Variants in CFAP299 observed in about 807,000 individuals in gnomAD.
CFAP299 encodes the protein cilia and flagella associated protein 299, also known as cilia- and flagella-associated protein 299.
A neutral mutation model predicts 27.0 loss-of-function variants in CFAP299; 21 were observed. The observed-to-expected ratio is 0.78, with a 90% CI of 0.55 to 1.12. The LOEUF is 1.12. Among genes scored for constraint, CFAP299 ranks in the 50% most tolerant of loss-of-function variants. The pLI, the probability that CFAP299 is intolerant of heterozygous loss-of-function variation, is 0.00. For missense variants in CFAP299, 310 were observed against 276.6 expected (o/e 1.12, Z -0.86); for synonymous variants, 104 against 98.1 (o/e 1.06, Z -0.36).
intron 2 of CFAP299, among the ~76,000 whole-genome samples, chr4:80,424,325 G>T (rs931285067): frequency 1.3e-5 from 2 of 152,168 alleles, no homozygotes; most frequent in African/African-American, 4.8e-5. Flanking sequence ...GACCTAAAGA[G>T]TTCAAGAAGA....
At chr4:80,947,985 T>C (rs1418144256) in intron 5 of CFAP299, among the ~76,000 whole-genome samples, 2 of 152,158 alleles carry the variant, frequency 1.3e-5, no homozygotes, top group African/African-American at 4.8e-5. Context: ...GCAATTTTTA[T>C]TGAAATCCTT....
At chr4:80,559,352 A>G (rs1032551304) in intron 2 of CFAP299, among the ~76,000 whole-genome samples, 2 of 149,110 alleles carry the variant, frequency 1.3e-5, no homozygotes, top group African/African-American at 5.2e-5. Flanking sequence ...GGGGAAGTAG[A>G]TTGTACTTCT....
At chr4:80,351,713 A>G (rs1723020587) in intron 1 of CFAP299, among the ~76,000 whole-genome samples, 1 of 151,688 alleles carries the variant, frequency 6.6e-6, no homozygotes, top group Non-Finnish European at 1.5e-5. Flanking sequence ...ATGCTGTCCC[A>G]CCTTAAATAT....
chr4:80,936,181 A>T (rs541085904), intron 4 of CFAP299, among the ~76,000 whole-genome samples: 1 of 152,116 alleles, frequency 6.6e-6, no homozygotes, highest in East Asian at 1.9e-4. Context: ...ATGCATATAC[A>T]CTGTTGGTGG....
At chr4:80,914,610 A>G (rs1231429870) in intron 4 of CFAP299, among the ~76,000 whole-genome samples, 2 of 152,174 alleles carry the variant, frequency 1.3e-5, no homozygotes, top group African/African-American at 2.4e-5. Flanking sequence ...TGTGGTTTTA[A>G]TTTACATTTC....
intron 2 of CFAP299, among the ~76,000 whole-genome samples, chr4:80,470,020 G>A (rs1365114908): frequency 1.3e-5 from 2 of 151,988 alleles, no homozygotes; most frequent in African/African-American, 2.4e-5. Flanking sequence ...CTCCATTTGC[G>A]CTGAAGGAAT....
intron 4 of CFAP299, among the ~76,000 whole-genome samples, chr4:80,936,616 C>G (rs764529668): frequency 6.6e-6 from 1 of 151,830 alleles, no homozygotes; most frequent in Admixed American, 6.6e-5. Context: ...AGGGGAACAA[C>G]GGACACTGAG....
At chr4:80,906,222 C>CA in intron 4 of CFAP299, among the ~76,000 whole-genome samples, 1 of 152,186 alleles carries the variant, frequency 6.6e-6, no homozygotes, top group African/African-American at 2.4e-5. Flanking sequence ...TTTAAAGTTC[C>CA]AAAATGATCT....
chr4:80,460,066 A>G (rs2110105425), intron 2 of CFAP299, among the ~76,000 whole-genome samples: 1 of 152,322 alleles, frequency 6.6e-6, no homozygotes, highest in South Asian at 2.1e-4. Flanking sequence ...GCATGGCAAG[A>G]CAAGTGATGT....
At chr4:80,800,147 A>C (rs1317370695) in intron 3 of CFAP299, among the ~76,000 whole-genome samples, 1 of 60,440 alleles carries the variant, frequency 1.7e-5, no homozygotes, top group Non-Finnish European at 2.6e-5. Context: ...ATATAAATAT[A>C]TTTATATAAT....
intron 2 of CFAP299, among the ~76,000 whole-genome samples, chr4:80,450,022 G>T (rs1312910994): frequency 6.6e-6 from 1 of 152,014 alleles, no homozygotes; most frequent in Non-Finnish European, 1.5e-5. Flanking sequence ...CTATCTTCTT[G>T]GAAAAGCTAT....
intron 1 of CFAP299, among the ~76,000 whole-genome samples, chr4:80,352,884 A>G (rs1261723915): frequency 6.6e-6 from 1 of 152,126 alleles, no homozygotes; most frequent in Admixed American, 6.5e-5. Flanking sequence ...AGAAAACAAA[A>G]TATATAAATG....
At chr4:80,688,418 C>CT (rs143272031) in intron 3 of CFAP299, among the ~76,000 whole-genome samples, 139,201 of 152,064 alleles carry the variant, frequency 0.92, 63,791 homozygotes, top group East Asian at 0.97. Flanking sequence ...AGGCACCCCC[C>CT]AGCAGGGGCA....
At chr4:80,541,470 A>G (rs909711860) in intron 2 of CFAP299, among the ~76,000 whole-genome samples, 1 of 152,234 alleles carries the variant, frequency 6.6e-6, no homozygotes, top group Admixed American at 6.5e-5. Flanking sequence ...ATCATTTTAT[A>G]TAGGATTATT....
rs149262761 is a variant in CFAP299, at chr4:80,590,409, T to A, written c.333+7226T>A. Reference sequence around the variant, plus strand: ...ATACTAGCACTTTGGAAGGCCGAGATGGGCAGATCACGAGGTCAGGAGTTC... The same window carrying A: ...ATACTAGCACTTTGGAAGGCCGAGAAGGGCAGATCACGAGGTCAGGAGTTC... On this transcript the variant is annotated intron_variant, in intron 3 of 5. Transcript: ENST00000358105. Among the ~76,000 whole-genome samples, 1,187 of 152,180 alleles carry A rather than the reference T, an allele frequency of 7.8e-3. 17 individuals carry two copies. The highest frequency in any genetic ancestry group is 0.027 in the African/African-American group (1,127 of 41,538).
intron 3 of CFAP299, among the ~76,000 whole-genome samples, chr4:80,861,509 TGCTGGGA>T (rs1346943573): frequency 6.6e-6 from 1 of 152,164 alleles, no homozygotes; most frequent in East Asian, 1.9e-4. Context: ...GCGTCACTCA[TGCTGGGA>T]GCTGTAGACT....
intron 3 of CFAP299, among the ~76,000 whole-genome samples, chr4:80,621,350 A>G (rs1213549689): frequency 6.6e-6 from 1 of 152,136 alleles, no homozygotes; most frequent in African/African-American, 2.4e-5. Flanking sequence ...AAACCAAGTA[A>G]AACTCTCTAC....
At chr4:80,568,424 G>A (rs1444619115) in intron 2 of CFAP299, among the ~76,000 whole-genome samples, 1 of 151,880 alleles carries the variant, frequency 6.6e-6, no homozygotes. Context: ...CCAAAGTTTT[G>A]TAAATTTAAT....
chr4:80,903,413 G>T (rs1735025507), intron 4 of CFAP299, among the ~76,000 whole-genome samples: 2 of 151,620 alleles, frequency 1.3e-5, no homozygotes, highest in South Asian at 4.2e-4. Context: ...ATTGAAATCT[G>T]AAAAAAATTT....
Sources: allele counts gnomAD v4.1 joint callset (sites outside exome capture counted in the v4.1 genomes callset), GRCh38; gene constraint gnomAD v4.1.1; transcripts MANE v1.5; gene names NCBI Gene and HGNC (gene_info 2026-07-23, HGNC 2026-07-21).